ZFYVE9: variants seen among roughly 807,000 people sequenced by gnomAD.
ZFYVE9 encodes zinc finger FYVE domain-containing protein 9.
A neutral mutation model predicts 126.7 loss-of-function variants in ZFYVE9; 43 were observed. The ratio of observed to expected loss-of-function variants is 0.34; its 90% CI spans 0.27 to 0.44. The LOEUF (loss-of-function observed/expected upper bound fraction) is 0.44. ZFYVE9 is among the 20% of genes least tolerant of loss of function. ZFYVE9 has a pLI of 1.00. For synonymous variants in ZFYVE9, 521 were observed against 597.4 expected, an observed-to-expected ratio of 0.87 and a Z score of 1.87; for missense variants, 1,476 against 1,697.0, an observed-to-expected ratio of 0.87 and a Z score of 2.29.
At position 52,332,931 on chromosome 1, in the gene ZFYVE9, G is replaced by A; in HGVS notation, c.3589+13G>A. On this transcript the variant is annotated intron_variant, in intron 14 of 18. Transcript: ENST00000287727. ...CAGCCCAGAAAAGGTGAGCATTTGA[G>A]CTGGTTGAGATTATGATAATGGAAA... is the stretch of plus-strand genomic sequence containing the variant. 1.9e-6 allele frequency: 3 copies of A among 1,614,014 alleles called. No individual in the cohort carries two copies. Among genetic ancestry groups the A allele is most frequent in the Non-Finnish European group, 2.5e-6 (3 of 1,179,948 alleles).
intron 1 of ZFYVE9, among the ~76,000 whole-genome samples, chr1:52,180,907 G>A (rs1485160703): frequency 7.3e-5 from 11 of 149,950 alleles, no homozygotes; most frequent in African/African-American, 2.0e-4. Context: ...CCTGGGAGGC[G>A]GAGGTTGCAG....
At chr1:52,315,059 A>G (rs1337119640) in intron 13 of ZFYVE9, among the ~76,000 whole-genome samples, 5 of 152,350 alleles carry the variant, frequency 3.3e-5, no homozygotes, top group Admixed American at 3.3e-4. Context: ...GATCTACACA[A>G]AGGAATGAAA....
chr1:52,329,891 C>T (rs1211713148), intron 13 of ZFYVE9, among the ~76,000 whole-genome samples: 1 of 151,430 alleles, frequency 6.6e-6, no homozygotes, highest in Non-Finnish European at 1.5e-5. Context: ...GGTGACAGAG[C>T]GAGACTGTCT....
At chr1:52,344,650 G>A in intron 17 of ZFYVE9, 118 bp from the exon 18 acceptor site, 1 of 1,105,564 alleles carries the variant, frequency 9.0e-7, no homozygotes, top group Non-Finnish European at 1.3e-6. Context: ...ATGGTGTCCT[G>A]TTCCTGTCAT....
chr1:52,148,848 G>A (rs1265457131), intron 1 of ZFYVE9, among the ~76,000 whole-genome samples: 5 of 150,606 alleles, frequency 3.3e-5, no homozygotes, highest in African/African-American at 1.2e-4. Flanking sequence ...CACCATGTTG[G>A]CCAGGCCGGT....
intron 2 of ZFYVE9, among the ~76,000 whole-genome samples, chr1:52,223,331 G>C (rs1410581065): frequency 6.6e-6 from 1 of 151,998 alleles, no homozygotes; most frequent in Non-Finnish European, 1.5e-5. Context: ...CCTGTATAGG[G>C]GTCAGACAGC....
rs116760117 is a variant in ZFYVE9, at chr1:52,284,940, G to T, written c.3025+3124G>T. Among the ~76,000 whole-genome samples, 593 of 152,222 alleles carry T rather than the reference G, an allele frequency of 3.9e-3. 11 individuals are homozygous for T. In the South Asian group the frequency reaches 0.043, roughly 11 times the overall value. The stretch of plus-strand genomic sequence containing the variant: ...TATCTAAGGAAATAACATTTCAAAA[G>T]CATAAGTGAGACGAAAGAGTTTTTC... On this transcript the variant is annotated intron_variant, in intron 10 of 18. Coordinates refer to ENST00000287727, the MANE Select transcript of ZFYVE9 (RefSeq NM_004799.4).
intron 1 of ZFYVE9, among the ~76,000 whole-genome samples, chr1:52,178,557 C>A (rs1644663465): frequency 6.6e-6 from 1 of 151,946 alleles, no homozygotes; most frequent in Non-Finnish European, 1.5e-5. Context: ...TCTTGAACTC[C>A]TGACCTTGTG....
At chr1:52,262,811 C>A (rs1645592165) in intron 4 of ZFYVE9, among the ~76,000 whole-genome samples, 1 of 152,134 alleles carries the variant, frequency 6.6e-6, no homozygotes, top group Non-Finnish European at 1.5e-5. Flanking sequence ...GTGGCTCACG[C>A]CTGTAATCCC....
intron 12 of ZFYVE9, among the ~76,000 whole-genome samples, chr1:52,297,948 G>A (rs192103963): frequency 3.0e-4 from 45 of 151,790 alleles, no homozygotes; most frequent in Admixed American, 1.3e-4. Flanking sequence ...TCATGACCTC[G>A]AGTGATCCAC....
chr1:52,311,609 C>G (rs1000819168), intron 13 of ZFYVE9, among the ~76,000 whole-genome samples: 1 of 152,032 alleles, frequency 6.6e-6, no homozygotes. Flanking sequence ...GTGGGTTAAT[C>G]TCTCTTCTGG....
In ZFYVE9 at chr1:52,290,254, C is replaced by T. The variant is rs551989489; in HGVS notation, c.3026-3199C>T. Reference sequence around the variant, plus strand: ...AAGAGAGAGAAAGAATGTGCATGTGCGTGAGGGCATGTGTATAAGGGAGGG... The same window carrying T: ...AAGAGAGAGAAAGAATGTGCATGTGTGTGAGGGCATGTGTATAAGGGAGGG... On this transcript the variant is annotated intron_variant, in intron 10 of 18. Transcript: ENST00000287727. 4.6e-5 allele frequency among the ~76,000 whole-genome samples: 7 copies of T among 152,232 alleles called. No individual in the cohort carries two copies. The East Asian group carries it at 1.2e-3, about 25-fold the overall frequency.
intron 10 of ZFYVE9, among the ~76,000 whole-genome samples, chr1:52,290,757 C>T (rs1235099194): frequency 6.6e-6 from 1 of 152,098 alleles, no homozygotes; most frequent in East Asian, 1.9e-4. Context: ...CCCCAAAAAT[C>T]ATATATTTGG....
At chr1:52,193,388 A>C (rs1474974445) in intron 1 of ZFYVE9, among the ~76,000 whole-genome samples, 1 of 87,430 alleles carries the variant, frequency 1.1e-5, no homozygotes, top group Non-Finnish European at 2.2e-5. Flanking sequence ...GTAATTTGTC[A>C]GTATCAAAAA....
rs1366624480 is a variant in ZFYVE9 at position 52,238,674 on chromosome 1, G to T, written c.1257G>T (p.Lys419Asn). 2 of 1,614,074 alleles carry T rather than the reference G, an allele frequency of 1.2e-6. No individual in the cohort carries two copies. Among genetic ancestry groups the T allele is most frequent in the Non-Finnish European group, 1.7e-6 (2 of 1,179,984 alleles). ...EMNDSQVNEE[K>N]EKFLQISQPE... ...ATGATAGCCAAGTAAACGAAGAAAA[G>T]GAAAAGTTTCTACAGATTAGTCAGC... Residue 419 changes from lysine to asparagine, a missense_variant, in exon 4 of 19, where the codon AAG becomes AAT. This residue lies in a region of ZFYVE9 where 807 missense variants were observed against 794.6 expected (regional missense o/e 1.02). Transcript: ENST00000287727.
chr1:52,263,759 C>G lies in ZFYVE9; in HGVS notation c.2179-14C>G, dbSNP rs201810123. 1,614 of 734,450 alleles carry G rather than the reference C, an allele frequency of 2.2e-3. 189 individuals carry two copies. In the African/African-American group the frequency reaches 0.032, roughly 14 times the overall value. The allele number at this position is 734,450 out of a possible 1,614,324, so 45.5% of individuals were successfully genotyped here. A position where few individuals can be genotyped will look rare whatever the true frequency, so the allele number is the denominator to read the frequency against. ...AGTAAATTTTGTGTGTTCTTCCCCCCCCCCCCCCCACAGGTTTTCTGTGCT... is the reference window on the plus strand; with the variant it reads ...AGTAAATTTTGTGTGTTCTTCCCCCGCCCCCCCCCACAGGTTTTCTGTGCT... On this transcript the variant is annotated splice_polypyrimidine_tract_variant and intron_variant, in intron 4 of 18. Coordinates refer to ENST00000287727, the MANE Select transcript of ZFYVE9 (RefSeq NM_004799.4).
chr1:52,227,512 G>A (rs1249815445), intron 2 of ZFYVE9, among the ~76,000 whole-genome samples: 4 of 152,198 alleles, frequency 2.6e-5, no homozygotes, highest in African/African-American at 9.7e-5. Flanking sequence ...TCACAGTTAA[G>A]ATACAGCATA....
intron 4 of ZFYVE9, among the ~76,000 whole-genome samples, chr1:52,244,243 A>T (rs1329568989): frequency 6.6e-6 from 1 of 152,174 alleles, no homozygotes; most frequent in Non-Finnish European, 1.5e-5. Flanking sequence ...TATTAGATGG[A>T]GATGGTGGTT....
intron 13 of ZFYVE9, among the ~76,000 whole-genome samples, chr1:52,310,625 G>C (rs369457188): frequency 2.0e-5 from 3 of 152,196 alleles, no homozygotes; most frequent in East Asian, 3.9e-4. Flanking sequence ...ATCAAACCTG[G>C]GCTTTCTGAT....
Sources: allele counts gnomAD v4.1 joint callset (sites outside exome capture counted in the v4.1 genomes callset), GRCh38; gene constraint gnomAD v4.1.1; regional missense constraint gnomAD v4.1.1; transcripts MANE v1.5; gene names NCBI Gene and HGNC (gene_info 2026-07-23, HGNC 2026-07-21).